LHFPL3: variants seen among roughly 807,000 people sequenced by gnomAD.
LHFPL3 encodes the protein LHFPL tetraspan subfamily member 3, also known as LHFPL tetraspan subfamily member 3 protein.
LHFPL3 carries 5 observed loss-of-function variants against 19.3 expected under a neutral mutation model. That is an observed-to-expected ratio of 0.26 (90% CI 0.14 to 0.54). The LOEUF (loss-of-function observed/expected upper bound fraction) is 0.54. Ranked by LOEUF, LHFPL3 falls within the 20% of genes least tolerant of loss-of-function variation. LHFPL3 has a pLI of 0.94. For synonymous variants in LHFPL3, 133 were observed against 126.2 expected (o/e 1.05, Z -0.36); for missense variants, 249 against 307.4 (o/e 0.81, Z 1.42).
chr7:104,638,048 T>C (rs546939581), intron 1 of LHFPL3, among the ~76,000 whole-genome samples: 1 of 152,312 alleles, frequency 6.6e-6, no homozygotes, highest in East Asian at 1.9e-4. Context: ...CATCTGTTTG[T>C]GTCATCTATG....
chr7:104,491,827 A>C (rs879519808), intron 1 of LHFPL3, among the ~76,000 whole-genome samples: 3 of 152,162 alleles, frequency 2.0e-5, no homozygotes, highest in Non-Finnish European at 4.4e-5. Flanking sequence ...ATAATCAATA[A>C]AACATTTTCC....
At chr7:104,837,834 T>A (rs954284166) in intron 2 of LHFPL3, among the ~76,000 whole-genome samples, 2 of 152,222 alleles carry the variant, frequency 1.3e-5, no homozygotes, top group Non-Finnish European at 2.9e-5. Flanking sequence ...TTACTTATTT[T>A]ACCATATTCC....
intron 2 of LHFPL3, among the ~76,000 whole-genome samples, chr7:104,878,233 T>C (rs1312783594): frequency 6.6e-6 from 1 of 151,850 alleles, no homozygotes; most frequent in Non-Finnish European, 1.5e-5. Context: ...CTCATATTTA[T>C]TGCAGTTCAC....
intron 2 of LHFPL3, among the ~76,000 whole-genome samples, chr7:104,869,725 G>A (rs1352908422): frequency 2.6e-5 from 4 of 152,282 alleles, no homozygotes; most frequent in South Asian, 2.1e-4. Flanking sequence ...ATTTGACCCA[G>A]CCATGCCATT....
At chr7:104,480,079 G>A (rs368812418) in intron 1 of LHFPL3, among the ~76,000 whole-genome samples, 4 of 152,188 alleles carry the variant, frequency 2.6e-5, no homozygotes, top group Admixed American at 6.5e-5. Context: ...TTTCATCATG[G>A]ATACACGTAT....
At chr7:104,678,331 C>T (rs1156920951) in intron 1 of LHFPL3, among the ~76,000 whole-genome samples, 2 of 152,156 alleles carry the variant, frequency 1.3e-5, no homozygotes, top group Non-Finnish European at 2.9e-5. Flanking sequence ...CCAGAGTAAA[C>T]AGCACCCCTT....
At chr7:104,435,246 G>A (rs1046803402) in intron 1 of LHFPL3, among the ~76,000 whole-genome samples, 4 of 151,870 alleles carry the variant, frequency 2.6e-5, no homozygotes, top group African/African-American at 9.7e-5. Context: ...GGGCCCAAGG[G>A]ATCCTCCTGC....
intron 1 of LHFPL3, among the ~76,000 whole-genome samples, chr7:104,731,147 C>G (rs190915304): frequency 1.7e-3 from 257 of 151,892 alleles, no homozygotes; most frequent in African/African-American, 5.8e-3. Flanking sequence ...GGTTACTGTA[C>G]CCTTGTAGTA....
chr7:104,554,940 A>G (rs1343201243), intron 1 of LHFPL3, among the ~76,000 whole-genome samples: 1 of 152,210 alleles, frequency 6.6e-6, no homozygotes, highest in East Asian at 1.9e-4. Flanking sequence ...CTGATGTTCA[A>G]GGGCAAGAGA....
chr7:104,330,017 G>A (rs545802637), intron 1 of LHFPL3, among the ~76,000 whole-genome samples: 4 of 152,096 alleles, frequency 2.6e-5, no homozygotes, highest in African/African-American at 9.6e-5. Flanking sequence ...TAGCATCTCC[G>A]ATCACTCTTT....
chr7:104,493,574 T>C (rs1793399719), intron 1 of LHFPL3, among the ~76,000 whole-genome samples: 1 of 152,196 alleles, frequency 6.6e-6, no homozygotes, highest in Non-Finnish European at 1.5e-5. Context: ...TCCTGCTATA[T>C]TGCTGGGCCT....
chr7:104,587,913 C>G lies in LHFPL3; in HGVS notation c.446-148762C>G, dbSNP rs9771320. On this transcript the variant is annotated intron_variant, in intron 1 of 2. Transcript: ENST00000424859. ...TCACATGTCTTTCGGCTGCATAAATCTCTTCTTTTGAGAAGTGTCTGTTCA... is the reference window on the plus strand; with the variant it reads ...TCACATGTCTTTCGGCTGCATAAATGTCTTCTTTTGAGAAGTGTCTGTTCA... Among the ~76,000 whole-genome samples, 356 of 152,136 alleles carry G rather than the reference C, an allele frequency of 2.3e-3. 2 individuals carry two copies. Among genetic ancestry groups the G allele is most frequent in the Middle Eastern group, 6.8e-3 (2 of 294 alleles).
At chr7:104,562,359 G>T (rs1354876048) in intron 1 of LHFPL3, among the ~76,000 whole-genome samples, 3 of 152,126 alleles carry the variant, frequency 2.0e-5, no homozygotes, top group South Asian at 2.1e-4. Context: ...TAGTCCCATA[G>T]TTCTTGGAGG....
rs187039256 is a variant in LHFPL3, at chr7:104,493,879, C to T, written c.445+164655C>T. On this transcript the variant is annotated intron_variant, in intron 1 of 2. Transcript: ENST00000424859. The stretch of plus-strand genomic sequence containing the variant: ...ATAAGGATAGCAGGTGGCTAGTAAG[C>T]ACTTGAAATATAACTAGTCCCACTT... Among the ~76,000 whole-genome samples, 444 of 152,222 alleles carry T rather than the reference C, an allele frequency of 2.9e-3. 3 individuals carry two copies. Among genetic ancestry groups the T allele is most frequent in the African/African-American group, 0.01 (422 of 41,542 alleles).
intron 2 of LHFPL3, among the ~76,000 whole-genome samples, chr7:104,854,651 T>C (rs1056824585): frequency 3.9e-5 from 6 of 152,232 alleles, no homozygotes; most frequent in Admixed American, 6.5e-5. Context: ...TTAGGTCATT[T>C]ATCACCTTCC....
At chr7:104,532,752 C>T (rs1794325904) in intron 1 of LHFPL3, among the ~76,000 whole-genome samples, 1 of 152,154 alleles carries the variant, frequency 6.6e-6, no homozygotes, top group African/African-American at 2.4e-5. Flanking sequence ...GAAAATTATA[C>T]ATTACTATCA....
At chr7:104,436,365 C>T (rs762812571) in intron 1 of LHFPL3, among the ~76,000 whole-genome samples, 41 of 152,154 alleles carry the variant, frequency 2.7e-4, no homozygotes, top group Non-Finnish European at 4.9e-4. Flanking sequence ...TCTTGCTTTT[C>T]GTGGAAAGAA....
At chr7:104,424,336 G>A (rs1469322033) in intron 1 of LHFPL3, among the ~76,000 whole-genome samples, 1 of 152,138 alleles carries the variant, frequency 6.6e-6, no homozygotes, top group Non-Finnish European at 1.5e-5. Context: ...ACAGAAGTGC[G>A]GCTGTACGAA....
intron 2 of LHFPL3, among the ~76,000 whole-genome samples, chr7:104,868,850 A>G (rs1473172225): frequency 1.3e-5 from 2 of 152,190 alleles, no homozygotes; most frequent in African/African-American, 4.8e-5. Flanking sequence ...AGTAACCAAA[A>G]CAGCATGGTA....
Sources: allele counts gnomAD v4.1 joint callset (sites outside exome capture counted in the v4.1 genomes callset), GRCh38; gene constraint gnomAD v4.1.1; transcripts MANE v1.5; gene names NCBI Gene and HGNC (gene_info 2026-07-23, HGNC 2026-07-21).